ABL1: variants seen among roughly 807,000 people sequenced by gnomAD.
ABL1 encodes the protein ABL proto-oncogene 1, non-receptor tyrosine kinase, also known as tyrosine-protein kinase ABL1.
ABL1 carries 11 observed loss-of-function variants against 94.7 expected under a neutral mutation model. That is an observed-to-expected ratio of 0.12 (90% confidence interval 0.07 to 0.19). The LOEUF (loss-of-function observed/expected upper bound fraction) is 0.19. ABL1 is among the 10% of genes least tolerant of loss of function. The probability of loss-of-function intolerance (pLI) is 1.00; values close to 1 mark genes in which losing one functional copy is unlikely to be tolerated. For synonymous variants in ABL1, 656 were observed against 622.4 expected, an observed-to-expected ratio of 1.05 and a Z score of -0.80; for missense variants, 1,082 against 1,489.4, an observed-to-expected ratio of 0.73 and a Z score of 4.50.
chr9:130,862,805 T>C lies in ABL1; in HGVS notation c.592T>C (p.Leu198=), dbSNP rs538889953. The part of the protein sequence containing the change: ...SESRFNTLAE[L]VHHHSTVADG... ...GAGCCGCTTCAACACCCTGGCCGAG[T>C]TGGTTCATCATCATTCAACGGTGGC... Residue 198 remains leucine, a synonymous_variant, in exon 4 of 11, where the codon TTG becomes CTG. Transcript: ENST00000318560. The surrounding 1 kb of genome is among the most constrained non-coding windows in gnomAD (Gnocchi z 5.5). 9.9e-6 allele frequency: 16 copies of C among 1,612,598 alleles called. No individual in the cohort carries two copies. The East Asian group carries it at 1.1e-4, about 11-fold the overall frequency.
upstream of ABL1, chr9:130,834,905 G>T (rs887285665): frequency 4.4e-6 from 2 of 455,884 alleles, no homozygotes; most frequent in Non-Finnish European, 8.8e-6. Context: ...GCCTGGCACC[G>T]CGTACTGGGA....
At chr9:130,843,625 T>C (rs1830712365) in intron 1 of ABL1, among the ~76,000 whole-genome samples, 1 of 151,522 alleles carries the variant, frequency 6.6e-6, no homozygotes, top group African/African-American at 2.4e-5. Flanking sequence ...CCCAAATGGG[T>C]TAAAGGAGAA....
rs145994418 is a variant in ABL1, at chr9:130,798,751, G to C, written c.137-55313G>C. 1.8e-3 allele frequency among the ~76,000 whole-genome samples: 268 copies of C among 152,076 alleles called. 2 individuals are homozygous for C. Among genetic ancestry groups the C allele is most frequent in the African/African-American group, 6.2e-3 (256 of 41,476 alleles). On this transcript the variant is annotated intron_variant, in intron 1 of 10. Transcript: ENST00000372348. ...TGGGAGGCTGAGGCGGGTGGATCACGAGGTCAGGAGTTTGAGACCAACCTG... is the reference window on the plus strand; with the variant it reads ...TGGGAGGCTGAGGCGGGTGGATCACCAGGTCAGGAGTTTGAGACCAACCTG...
intron 1 of ABL1, among the ~76,000 whole-genome samples, chr9:130,793,731 C>A (rs1265463407): frequency 1.3e-5 from 2 of 152,078 alleles, no homozygotes; most frequent in African/African-American, 4.8e-5. Context: ...GGTCTGTGGC[C>A]TGTTAGGAAC....
intron 1 of ABL1, among the ~76,000 whole-genome samples, chr9:130,760,914 G>A (rs1161775043): frequency 2.8e-5 from 4 of 140,508 alleles, no homozygotes; most frequent in Admixed American, 1.5e-4. Flanking sequence ...GTCAGCCCCC[G>A]CAAAGTGCTA....
chr9:130,771,115 G>A (rs1192201516), intron 1 of ABL1, among the ~76,000 whole-genome samples: 1 of 152,188 alleles, frequency 6.6e-6, no homozygotes, highest in Non-Finnish European at 1.5e-5. Flanking sequence ...TATTAAAAGT[G>A]TACTAAAAAC....
rs1830951574 is a variant in ABL1 at position 130,855,104 on chromosome 9, AC to A, written c.549+11del. ...ACTGCTTCTGATGGCAAGGTAGGGG[AC>A]CCTTGGCAGGGGGCGCTGATGGGCC... On this transcript the variant is annotated intron_variant, in intron 3 of 10. Transcript: ENST00000318560. The A allele has an allele frequency of 1.9e-6, 3 of 1,608,940 alleles. No individual in the cohort carries two copies. Among genetic ancestry groups the A allele is most frequent in the Non-Finnish European group, 2.5e-6 (3 of 1,176,486 alleles).
intron 4 of ABL1, among the ~76,000 whole-genome samples, chr9:130,867,623 G>C (rs959246831): frequency 6.6e-6 from 1 of 152,180 alleles, no homozygotes; most frequent in Non-Finnish European, 1.5e-5. Context: ...AGTGTGTTTC[G>C]GTTTTATTTC....
intron 1 of ABL1, among the ~76,000 whole-genome samples, chr9:130,761,623 C>T (rs995128472): frequency 8.5e-5 from 13 of 152,232 alleles, no homozygotes; most frequent in Admixed American, 6.5e-4. Context: ...TTCCGCATCA[C>T]GCGTGGTGCC....
At chr9:130,802,095 C>CTTTTTTTTTTTTTTTTTT (rs3085157) in intron 1 of ABL1, among the ~76,000 whole-genome samples, 3 of 132,094 alleles carry the variant, frequency 2.3e-5, no homozygotes, top group African/African-American at 8.9e-5. Context: ...TTCCTTCAGT[C>CTTTTTTTTTTTTTTTTTT]TTTTTTTTTT....
At position 130,880,114 on chromosome 9, in the gene ABL1, C is replaced by T; in HGVS notation, c.1470C>T (p.His490=). 1.2e-6 allele frequency: 2 copies of T among 1,614,186 alleles called. No homozygotes were observed. Among genetic ancestry groups the T allele is most frequent in the African/African-American group, 2.7e-5 (2 of 75,046 alleles). ...PSDRPSFAEI[H]QAFETMFQES... is the part of the protein sequence containing the mutation. Reference sequence around the variant, plus strand: ...ACCGGCCCTCCTTTGCTGAAATCCACCAAGCCTTTGAAACAATGTTCCAGG... The same window carrying T: ...ACCGGCCCTCCTTTGCTGAAATCCATCAAGCCTTTGAAACAATGTTCCAGG... Residue 490 remains histidine (H), a synonymous_variant, in exon 9 of 11, where the codon CAC becomes CAT. Transcript: ENST00000318560. The surrounding 1 kb of genome is among the most constrained non-coding windows in gnomAD (Gnocchi z 4.4).
At chr9:130,850,091 C>T (rs1291106124) in intron 1 of ABL1, among the ~76,000 whole-genome samples, 1 of 152,206 alleles carries the variant, frequency 6.6e-6, no homozygotes, top group Non-Finnish European at 1.5e-5. Flanking sequence ...GGTAGCCACA[C>T]TACCACTGTC....
intron 4 of ABL1, among the ~76,000 whole-genome samples, chr9:130,869,210 A>G (rs1487379991): frequency 6.6e-6 from 1 of 152,150 alleles, no homozygotes; most frequent in Non-Finnish European, 1.5e-5. Flanking sequence ...GTCTGGGAGA[A>G]TGTATCTGTG....
intron 1 of ABL1, among the ~76,000 whole-genome samples, chr9:130,803,854 C>T (rs747195539): frequency 2.0e-5 from 3 of 152,110 alleles, no homozygotes; most frequent in Non-Finnish European, 4.4e-5. Flanking sequence ...TGACTAAACA[C>T]CTGGAAATTA....
chr9:130,843,073 T>C (rs1329602827), intron 1 of ABL1, among the ~76,000 whole-genome samples: 7 of 152,234 alleles, frequency 4.6e-5, no homozygotes, highest in Admixed American at 4.6e-4. Context: ...CTATCTGTCA[T>C]TATTGCTGCT....
chr9:130,822,055 C>G (rs968222897), intron 1 of ABL1, among the ~76,000 whole-genome samples: 2 of 152,056 alleles, frequency 1.3e-5, no homozygotes, highest in Admixed American at 1.3e-4. Context: ...AGCCGGGATG[C>G]TCTCACTCTC....
chr9:130,729,137 T>G (rs985015926), intron 1 of ABL1, among the ~76,000 whole-genome samples: 1 of 152,178 alleles, frequency 6.6e-6, no homozygotes, highest in African/African-American at 2.4e-5. Context: ...TAGAGGGTAC[T>G]CTTTAGACTT....
At chr9:130,823,386 C>T (rs1051888243) in intron 1 of ABL1, among the ~76,000 whole-genome samples, 2 of 152,154 alleles carry the variant, frequency 1.3e-5, no homozygotes, top group African/African-American at 2.4e-5. Context: ...TAGGTTAATG[C>T]GAGTTAGAAC....
intron 1 of ABL1, among the ~76,000 whole-genome samples, chr9:130,753,934 G>A (rs182352735): frequency 1.7e-4 from 26 of 152,074 alleles, no homozygotes; most frequent in East Asian, 1.6e-3. Flanking sequence ...CGCTGGGCGC[G>A]GTGGCTCACG....
Sources: gnomAD v4.1 joint callset for allele counts (sites outside exome capture counted in the v4.1 genomes callset) on GRCh38, gnomAD v4.1.1 for gene constraint, Gnocchi (gnomAD v3.1) non-coding constraint, MANE v1.5 for transcripts, NCBI Gene and HGNC (gene_info 2026-07-23, HGNC 2026-07-21) for gene names.